The following UBE3D variants were observed in gnomAD, a reference collection of about 807,000 sequenced individuals.
The protein encoded by UBE3D is E3 ubiquitin-protein ligase E3D.
Under a neutral mutation model 49.6 loss-of-function variants are expected in UBE3D, and 48 were observed. That is an observed-to-expected ratio of 0.97 (90% CI 0.77 to 1.23). The LOEUF (loss-of-function observed/expected upper bound fraction) is 1.23, where lower values mean the gene tolerates loss of function less well. Ranked by LOEUF, UBE3D falls within the 50% of genes most tolerant of loss-of-function variation. UBE3D has a pLI of 0.00. For missense variants in UBE3D, 452 were observed against 468.4 expected, an observed-to-expected ratio of 0.96 and a Z score of 0.32; for synonymous variants, 189 against 174.2, an observed-to-expected ratio of 1.08 and a Z score of -0.67.
intron 9 of UBE3D, among the ~76,000 whole-genome samples, chr6:82,932,197 G>A (rs1774212443): frequency 6.6e-6 from 1 of 152,128 alleles, no homozygotes; most frequent in Admixed American, 6.5e-5. Flanking sequence ...TCTCAGGTAT[G>A]TCTTTATTAG....
intron 7 of UBE3D, 56 bp from the exon 8 acceptor site, chr6:83,019,192 TTA>T: frequency 6.8e-7 from 1 of 1,472,988 alleles, no homozygotes; most frequent in Non-Finnish European, 9.0e-7. Flanking sequence ...TATCCATATC[TTA>T]TGACTTTTCA....
intron 9 of UBE3D, among the ~76,000 whole-genome samples, chr6:82,932,095 C>T (rs1366786505): frequency 2.6e-5 from 4 of 152,122 alleles, no homozygotes; most frequent in Non-Finnish European, 5.9e-5. Flanking sequence ...GTGTTCACTT[C>T]CCCTTCCACG....
chr6:83,026,090 T>A (rs949007856), intron 5 of UBE3D, among the ~76,000 whole-genome samples: 3 of 152,044 alleles, frequency 2.0e-5, no homozygotes, highest in African/African-American at 7.3e-5. Flanking sequence ...ACTGCATGCA[T>A]GTTTCAAATT....
intron 8 of UBE3D, among the ~76,000 whole-genome samples, chr6:82,982,687 C>T (rs148637488): frequency 8.3e-4 from 127 of 152,238 alleles, no homozygotes; most frequent in South Asian, 4.1e-4. Flanking sequence ...TCAGGAGGTA[C>T]GGAATCACCA....
At chr6:83,009,007 G>A (rs1562179924) in intron 8 of UBE3D, among the ~76,000 whole-genome samples, 1 of 152,134 alleles carries the variant, frequency 6.6e-6, no homozygotes, top group Non-Finnish European at 1.5e-5. Flanking sequence ...TTGAATACAA[G>A]AGAACACATA....
intron 9 of UBE3D, among the ~76,000 whole-genome samples, chr6:82,950,009 C>A (rs1315143993): frequency 1.3e-5 from 2 of 152,028 alleles, no homozygotes; most frequent in Non-Finnish European, 2.9e-5. Context: ...TAAAATGGGA[C>A]AAATGAGATC....
At chr6:82,959,906 T>TC (rs1776431542) in intron 8 of UBE3D, among the ~76,000 whole-genome samples, 1 of 152,016 alleles carries the variant, frequency 6.6e-6, no homozygotes, top group Admixed American at 6.6e-5. Context: ...GAAAGGCAGC[T>TC]CCAGGAAGTC....
At chr6:83,027,437 A>AAAAAAAAAAAAAAAAAG in intron 5 of UBE3D, among the ~76,000 whole-genome samples, 1 of 135,140 alleles carries the variant, frequency 7.4e-6, no homozygotes. Flanking sequence ...TCCGTCTCAA[A>AAAAAAAAAAAAAAAAAG]AAAAAAAAAA....
At chr6:83,046,679 G>GGGGGC (rs66572347) in intron 3 of UBE3D, among the ~76,000 whole-genome samples, 1 of 129,236 alleles carries the variant, frequency 7.7e-6, no homozygotes, top group African/African-American at 3.0e-5. Flanking sequence ...TGGCGGGGGG[G>GGGGGC]GTGGGCGGTG....
intron 8 of UBE3D, among the ~76,000 whole-genome samples, chr6:82,967,501 C>A (rs1777034150): frequency 6.6e-6 from 1 of 152,138 alleles, no homozygotes; most frequent in African/African-American, 2.4e-5. Flanking sequence ...CCCTGGCAAC[C>A]ACTAATCTGT....
intron 8 of UBE3D, among the ~76,000 whole-genome samples, chr6:82,959,540 C>T (rs1423024651): frequency 6.6e-6 from 1 of 151,720 alleles, no homozygotes; most frequent in African/African-American, 2.4e-5. Flanking sequence ...CTATTTGCAG[C>T]GTCATAATAA....
At chr6:82,977,484 G>A (rs956491630) in intron 8 of UBE3D, among the ~76,000 whole-genome samples, 1 of 152,020 alleles carries the variant, frequency 6.6e-6, no homozygotes, top group African/African-American at 2.4e-5. Context: ...ACCCTGATAA[G>A]CTCTTAATGA....
intron 8 of UBE3D, among the ~76,000 whole-genome samples, chr6:82,964,190 G>A (rs1407946072): frequency 6.6e-6 from 1 of 152,042 alleles, no homozygotes; most frequent in Non-Finnish European, 1.5e-5. Context: ...TTTCAAAGAG[G>A]CATTGAGAAA....
At chr6:82,959,770 G>A (rs1776420724) in intron 8 of UBE3D, among the ~76,000 whole-genome samples, 1 of 136,442 alleles carries the variant, frequency 7.3e-6, no homozygotes, top group South Asian at 2.5e-4. Flanking sequence ...CCTAAGGAAT[G>A]TAAGGCCTGC....
intron 5 of UBE3D, among the ~76,000 whole-genome samples, chr6:83,030,484 G>T (rs1194445037): frequency 6.6e-6 from 1 of 152,160 alleles, no homozygotes; most frequent in African/African-American, 2.4e-5. Context: ...TGCCATGATT[G>T]TGAGGCCTCC....
At chr6:83,027,434 C>CAAA (rs61225462) in intron 5 of UBE3D, among the ~76,000 whole-genome samples, 372 of 34,628 alleles carry the variant, frequency 0.011, 60 homozygotes, top group African/African-American at 0.038. Context: ...GACTCCGTCT[C>CAAA]AAAAAAAAAA....
intron 9 of UBE3D, among the ~76,000 whole-genome samples, chr6:82,939,636 G>A (rs1022119566): frequency 2.6e-5 from 4 of 152,216 alleles, no homozygotes. Context: ...AGGAGCAATG[G>A]GCCATACCAC....
At chr6:82,936,090 A>AG (rs750878960) in intron 9 of UBE3D, among the ~76,000 whole-genome samples, 4 of 152,132 alleles carry the variant, frequency 2.6e-5, no homozygotes, top group Non-Finnish European at 5.9e-5. Context: ...TAAAAAAAAA[A>AG]CAATGGTAAG....
rs1298176210 is a variant in UBE3D, at chr6:83,027,162, G to A, written c.668-3124C>T. 1.3e-5 allele frequency among the ~76,000 whole-genome samples: 2 copies of A among 151,850 alleles called. 1 individual carries two copies. Among genetic ancestry groups the A allele is most frequent in the African/African-American group, 4.8e-5 (2 of 41,250 alleles). ...TTCATAAGAAACCACTATGGGCTGG[G>A]CGCAGTGGCTCACGCCTGTAATCCC... is the stretch of plus-strand genomic sequence containing the variant. On this transcript the variant is annotated intron_variant, in intron 5 of 9. Coordinates refer to ENST00000369747, the MANE Select transcript of UBE3D (RefSeq NM_198920.3).
Sources: gnomAD v4.1 joint callset for allele counts (sites outside exome capture counted in the v4.1 genomes callset) on GRCh38, gnomAD v4.1.1 for gene constraint, MANE v1.5 for transcripts, NCBI Gene and HGNC (gene_info 2026-07-23, HGNC 2026-07-21) for gene names.